OSBPL8: variants seen among roughly 807,000 people sequenced by gnomAD.
The protein encoded by OSBPL8 is oxysterol binding protein like 8, also known as oxysterol-binding protein-related protein 8.
In OSBPL8, 59 loss-of-function variants were observed where a neutral mutation model predicts 125.5. The ratio of observed to expected loss-of-function variants is 0.47; its 90% CI spans 0.38 to 0.58. OSBPL8 has a LOEUF of 0.58. Among genes scored for constraint, OSBPL8 ranks in the 20% least tolerant of loss-of-function variants. OSBPL8 has a pLI of 0.00. For synonymous variants in OSBPL8, 330 were observed against 338.9 expected (o/e 0.97, Z 0.29); for missense variants, 758 against 1,047.8 (o/e 0.72, Z 3.82).
chr12:76,476,253 T>C (rs965816978), intron 2 of OSBPL8, among the ~76,000 whole-genome samples: 2 of 152,136 alleles, frequency 1.3e-5, no homozygotes, highest in Admixed American at 1.3e-4. Context: ...GGCAGTAATA[T>C]TCCCAGAAGA....
intron 18 of OSBPL8, among the ~76,000 whole-genome samples, chr12:76,372,613 T>C (rs1205413868): frequency 2.6e-5 from 4 of 152,196 alleles, no homozygotes; most frequent in Admixed American, 6.5e-5. Flanking sequence ...CTTCACTTTC[T>C]CATATTTCTC....
At chr12:76,405,956 A>C (rs1954245848) in intron 5 of OSBPL8, among the ~76,000 whole-genome samples, 1 of 152,066 alleles carries the variant, frequency 6.6e-6, no homozygotes, top group Non-Finnish European at 1.5e-5. Flanking sequence ...TTTAACTGCT[A>C]TCCCCTTACA....
At position 76,530,463 on chromosome 12, in the gene OSBPL8, T is replaced by G. The variant is rs1027611870; in HGVS notation, c.-68+28934A>C. 5.3e-5 allele frequency among the ~76,000 whole-genome samples: 8 copies of G among 152,274 alleles called. No homozygotes were observed. In the East Asian group the frequency reaches 1.5e-3, roughly 29 times the overall value. On this transcript the variant is annotated intron_variant, in intron 1 of 23. Transcript: ENST00000261183. ...TTTGTTTAAATGCCATTTTATCAAA[T>G]AGATCTTCCCTGACCATCCTAGCTA... is the stretch of plus-strand genomic sequence containing the variant.
intron 4 of OSBPL8, among the ~76,000 whole-genome samples, chr12:76,416,013 T>G (rs1186677538): frequency 1.3e-5 from 2 of 152,132 alleles, no homozygotes; most frequent in Non-Finnish European, 2.9e-5. Flanking sequence ...TCATTAATTT[T>G]TCTTCTCCCT....
intron 4 of OSBPL8, among the ~76,000 whole-genome samples, chr12:76,439,187 T>A (rs774277388): frequency 3.9e-5 from 6 of 152,134 alleles, no homozygotes; most frequent in Non-Finnish European, 7.4e-5. Flanking sequence ...GACACCAGCC[T>A]GGCCAATATG....
intron 2 of OSBPL8, among the ~76,000 whole-genome samples, chr12:76,466,017 AAAG>A (rs919816900): frequency 3.2e-4 from 48 of 152,304 alleles, no homozygotes; most frequent in African/African-American, 1.1e-3. Flanking sequence ...AGAAAAAAAA[AAAG>A]TTCATTTTTC....
chr12:76,461,086 A>G (rs769193279), intron 2 of OSBPL8, among the ~76,000 whole-genome samples: 1 of 152,222 alleles, frequency 6.6e-6, no homozygotes, highest in Non-Finnish European at 1.5e-5. Flanking sequence ...TTTTACAAAC[A>G]AACTAAAGTT....
intron 4 of OSBPL8, among the ~76,000 whole-genome samples, chr12:76,435,346 T>C (rs1275971960): frequency 1.3e-5 from 2 of 152,120 alleles, no homozygotes; most frequent in Non-Finnish European, 1.5e-5. Flanking sequence ...GAATTTAAAA[T>C]AGTTGAACTC....
At chr12:76,558,113 T>C (rs10862128) in intron 1 of OSBPL8, among the ~76,000 whole-genome samples, 74,784 of 148,386 alleles carry the variant, frequency 0.5, 20,142 homozygotes, top group East Asian at 0.9. Context: ...AGTCACTCCA[T>C]ACACGGTTAA....
chr12:76,547,120 G>C (rs935931364), intron 1 of OSBPL8, among the ~76,000 whole-genome samples: 1 of 152,076 alleles, frequency 6.6e-6, no homozygotes, highest in Non-Finnish European at 1.5e-5. Context: ...AATTACAAAA[G>C]ACACACATTC....
intron 1 of OSBPL8, among the ~76,000 whole-genome samples, chr12:76,498,089 C>G (rs1162535734): frequency 2.0e-5 from 3 of 152,136 alleles, no homozygotes; most frequent in African/African-American, 7.2e-5. Flanking sequence ...ATAGATATTT[C>G]TCAGGCAAAT....
At chr12:76,526,074 T>C (rs1950162192) in intron 1 of OSBPL8, among the ~76,000 whole-genome samples, 1 of 152,218 alleles carries the variant, frequency 6.6e-6, no homozygotes, top group Non-Finnish European at 1.5e-5. Flanking sequence ...AAGTTGTACA[T>C]GAAAAGTTCA....
chr12:76,455,051 G>A (rs536574914), intron 3 of OSBPL8, among the ~76,000 whole-genome samples: 7 of 151,100 alleles, frequency 4.6e-5, no homozygotes, highest in East Asian at 2.0e-4. Flanking sequence ...TGGCTAACAC[G>A]GTGAAACCTC....
chr12:76,425,487 C>T lies in OSBPL8; in HGVS notation c.218-14853G>A, dbSNP rs536435933. On this transcript the variant is annotated intron_variant, in intron 4 of 23. Coordinates refer to ENST00000261183, the MANE Select transcript of OSBPL8 (RefSeq NM_020841.5). ...GGCTGTACTGGAAGATAAAACTGTACCAAAATGTGATAAATCAAGAATGCA... is the reference window on the plus strand; with the variant it reads ...GGCTGTACTGGAAGATAAAACTGTATCAAAATGTGATAAATCAAGAATGCA... 2.0e-3 allele frequency among the ~76,000 whole-genome samples: 308 copies of T among 152,216 alleles called. 3 individuals are homozygous for T. Among genetic ancestry groups the T allele is most frequent in the African/African-American group, 6.9e-3 (285 of 41,552 alleles).
At chr12:76,558,620 A>G (rs1433094503) in intron 1 of OSBPL8, among the ~76,000 whole-genome samples, 2 of 152,230 alleles carry the variant, frequency 1.3e-5, no homozygotes, top group Non-Finnish European at 2.9e-5. Flanking sequence ...GTTACCTATT[A>G]TTTCAGAAAG....
intron 14 of OSBPL8, 152 bp from the exon 15 acceptor site, chr12:76,384,502 T>G: frequency 2.3e-6 from 1 of 433,550 alleles, no homozygotes. Flanking sequence ...AAATTAAATA[T>G]TGATGGTTAT....
intron 1 of OSBPL8, among the ~76,000 whole-genome samples, chr12:76,504,363 C>A (rs188286044): frequency 1.3e-5 from 2 of 152,284 alleles, no homozygotes; most frequent in Admixed American, 1.3e-4. Context: ...ATCATTCATT[C>A]TGTGCTCTCC....
At chr12:76,517,508 A>T (rs1881665425) in intron 1 of OSBPL8, among the ~76,000 whole-genome samples, 1 of 152,216 alleles carries the variant, frequency 6.6e-6, no homozygotes. Context: ...CATATATATA[A>T]AAAACAGGCT....
intron 15 of OSBPL8, among the ~76,000 whole-genome samples, chr12:76,381,291 G>T (rs1296737157): frequency 1.3e-5 from 2 of 152,050 alleles, no homozygotes; most frequent in African/African-American, 4.8e-5. Context: ...TCTATTTTAT[G>T]CCAAAAATTG....
Sources: gnomAD v4.1 joint callset for allele counts (sites outside exome capture counted in the v4.1 genomes callset) on GRCh38, gnomAD v4.1.1 for gene constraint, MANE v1.5 for transcripts, NCBI Gene and HGNC (gene_info 2026-07-23, HGNC 2026-07-21) for gene names.